The following OSBPL10 variants were observed in gnomAD, a reference collection of about 807,000 sequenced individuals.
OSBPL10 encodes oxysterol-binding protein-related protein 10.
Under a neutral mutation model 81.7 loss-of-function variants are expected in OSBPL10, and 49 were observed. That is an observed-to-expected ratio of 0.60 (90% CI 0.48 to 0.76). OSBPL10 has a LOEUF of 0.76. Ranked by LOEUF, OSBPL10 falls within the 30% of genes least tolerant of loss-of-function variation. OSBPL10 has a pLI of 0.00. For missense variants in OSBPL10, 923 were observed against 987.8 expected (o/e 0.93, Z 0.88); for synonymous variants, 419 against 383.6 (o/e 1.09, Z -1.08).
rs1281662626 is a variant in OSBPL10 at position 31,837,318 on chromosome 3, AAATTATATATATATATATATATATATAT to A, written c.538-7115_538-7088del. Among the ~76,000 whole-genome samples, 64 of 97,556 alleles carry A rather than the reference AAATTATATATATATATATATATATATAT, an allele frequency of 6.6e-4. No individual in the cohort carries two copies. In the East Asian group the frequency reaches 0.017, roughly 26 times the overall value. The allele number at this position is 97,556 out of a possible 152,430, so 64.0% of individuals were successfully genotyped here. On this transcript the variant is annotated intron_variant, in intron 3 of 11. Coordinates refer to ENST00000396556, the MANE Select transcript of OSBPL10 (RefSeq NM_017784.5). ...TATATTCCTAGAATTACAGATCCCC[AAATTATATATATATATATATATATATAT>A]ATATATATATATATATATATATATA...
chr3:31,944,532 G>C (rs1483613252), intron 1 of OSBPL10, among the ~76,000 whole-genome samples: 1 of 152,100 alleles, frequency 6.6e-6, no homozygotes, highest in Non-Finnish European at 1.5e-5. Context: ...CATGTGGAGA[G>C]AAAGATTTAT....
intron 4 of OSBPL10, among the ~76,000 whole-genome samples, chr3:31,803,412 A>T (rs1699440881): frequency 2.0e-5 from 3 of 152,250 alleles, no homozygotes. Context: ...CCCTGGCAGA[A>T]CCAGGGACGT....
chr3:31,984,964 C>T (rs1698913539), upstream of OSBPL10, among the ~76,000 whole-genome samples: 1 of 152,240 alleles, frequency 6.6e-6, no homozygotes, highest in East Asian at 1.9e-4. Context: ...CTAGGCCAGG[C>T]GCGGTGGCTC....
At chr3:31,805,644 C>G (rs1559472748) in intron 4 of OSBPL10, among the ~76,000 whole-genome samples, 1 of 152,186 alleles carries the variant, frequency 6.6e-6, no homozygotes, top group Non-Finnish European at 1.5e-5. Flanking sequence ...AAATACAAAG[C>G]ACCTTAAAAT....
At chr3:32,051,447 A>T (rs1699669764) in intron 1 of OSBPL10, among the ~76,000 whole-genome samples, 1 of 152,072 alleles carries the variant, frequency 6.6e-6, no homozygotes. Context: ...TTATCAGGGG[A>T]TACTCAGCTC....
At chr3:31,851,760 C>A (rs146511088) in intron 3 of OSBPL10, among the ~76,000 whole-genome samples, 12 of 152,328 alleles carry the variant, frequency 7.9e-5, no homozygotes, top group Non-Finnish European at 1.8e-4. Context: ...AAGGGGGTCT[C>A]AGACTGCAAA....
intron 7 of OSBPL10, among the ~76,000 whole-genome samples, chr3:31,698,446 A>G (rs1695794437): frequency 1.3e-5 from 2 of 151,460 alleles, no homozygotes; most frequent in Admixed American, 6.6e-5. Context: ...GCGAGACTCC[A>G]TCTCAAAAAT....
At chr3:31,803,728 A>G (rs778214192) in intron 4 of OSBPL10, among the ~76,000 whole-genome samples, 24 of 152,150 alleles carry the variant, frequency 1.6e-4, no homozygotes, top group Non-Finnish European at 3.1e-4. Flanking sequence ...TTTGACTATT[A>G]TATCTCCTTT....
At chr3:31,847,377 C>T (rs373408216) in intron 3 of OSBPL10, among the ~76,000 whole-genome samples, 1 of 152,010 alleles carries the variant, frequency 6.6e-6, no homozygotes, top group Non-Finnish European at 1.5e-5. Flanking sequence ...TGTACTTTGA[C>T]GGGGTTTCAC....
Position 31,773,000 on chromosome 3 carries a change from C to CTT in OSBPL10, c.730-24882_730-24881dup, listed in dbSNP as rs60001546. On this transcript the variant is annotated intron_variant, in intron 4 of 11. Coordinates refer to ENST00000396556, the MANE Select transcript of OSBPL10 (RefSeq NM_017784.5). ...CCTGATCCTGGGTAACGTGACCAAA[C>CTT]TTTTTTTTTTTTTTTTGGCTTTCAG... 1.0e-3 allele frequency among the ~76,000 whole-genome samples: 138 copies of CTT among 138,110 alleles called. 1 individual carries two copies. The highest frequency in any genetic ancestry group is 3.5e-3 in the African/African-American group (135 of 38,242). 90.6% of individuals were successfully genotyped at this position (138,110 alleles called of 152,430 possible). A position where few individuals can be genotyped will look rare whatever the true frequency, so the allele number is the denominator to read the frequency against.
intron 5 of OSBPL10, among the ~76,000 whole-genome samples, chr3:31,741,727 C>T (rs1697357619): frequency 6.6e-6 from 1 of 152,170 alleles, no homozygotes; most frequent in Admixed American, 6.5e-5. Flanking sequence ...CTCTGTATCC[C>T]CACCCAAATC....
intron 3 of OSBPL10, among the ~76,000 whole-genome samples, chr3:31,835,028 A>C (rs1700331501): frequency 6.6e-6 from 1 of 152,238 alleles, no homozygotes; most frequent in Non-Finnish European, 1.5e-5. Flanking sequence ...TTAATAAATT[A>C]ATAAAATGAG....
intron 5 of OSBPL10, among the ~76,000 whole-genome samples, chr3:31,737,451 A>T (rs1697214288): frequency 6.6e-6 from 1 of 152,194 alleles, no homozygotes. Flanking sequence ...TATAGGACAA[A>T]GCACCCTCTA....
At chr3:31,768,833 T>C (rs1044764623) in intron 4 of OSBPL10, among the ~76,000 whole-genome samples, 1 of 152,220 alleles carries the variant, frequency 6.6e-6, no homozygotes, top group African/African-American at 2.4e-5. Context: ...TCAAGCTCCA[T>C]TTATTTCACA....
intron 2 of OSBPL10, among the ~76,000 whole-genome samples, chr3:32,004,870 C>T (rs191136489): frequency 1.3e-5 from 2 of 152,256 alleles, no homozygotes; most frequent in African/African-American, 4.8e-5. Flanking sequence ...AATTATAGTC[C>T]TTATTTCATG....
intron 11 of OSBPL10, chr3:31,662,498 C>T (rs1247238488): frequency 9.8e-7 from 1 of 1,016,162 alleles, no homozygotes; most frequent in African/African-American, 1.7e-5. Flanking sequence ...GACTTCCAGC[C>T]CACAGGGGAA....
chr3:31,804,383 C>T (rs1212188136), intron 4 of OSBPL10, among the ~76,000 whole-genome samples: 1 of 152,128 alleles, frequency 6.6e-6, no homozygotes, highest in African/African-American at 2.4e-5. Context: ...CTTGAGGGCA[C>T]TCAGCTAGTC....
intron 1 of OSBPL10, among the ~76,000 whole-genome samples, chr3:31,882,939 G>A (rs1196214242): frequency 1.3e-5 from 2 of 152,112 alleles, no homozygotes; most frequent in Admixed American, 6.5e-5. Context: ...ATTCTTTAAT[G>A]TGGGGCAAAA....
chr3:31,992,061 A>C (rs547160794), intron 2 of OSBPL10, among the ~76,000 whole-genome samples: 1 of 150,986 alleles, frequency 6.6e-6, no homozygotes, highest in Admixed American at 6.6e-5. Context: ...CAGGAGAATC[A>C]CTTGAACCTG....
Sources: gnomAD v4.1 joint callset for allele counts (sites outside exome capture counted in the v4.1 genomes callset) on GRCh38, gnomAD v4.1.1 for gene constraint, MANE v1.5 for transcripts, NCBI Gene and HGNC (gene_info 2026-07-23, HGNC 2026-07-21) for gene names.